The following RNF157 variants were observed in gnomAD, a reference collection of about 807,000 sequenced individuals.
RNF157 encodes the protein E3 ubiquitin ligase RNF157.
Under a neutral mutation model 88.3 loss-of-function variants are expected in RNF157, and 55 were observed. The observed-to-expected ratio is 0.62, with a 90% CI of 0.50 to 0.78. RNF157 has a LOEUF of 0.78. RNF157 is among the 30% of genes least tolerant of loss of function. The probability of loss-of-function intolerance (pLI) is 0.00; values close to 1 mark genes in which losing one functional copy is unlikely to be tolerated. For missense variants in RNF157, 788 were observed against 860.8 expected, an observed-to-expected ratio of 0.92 and a Z score of 1.06; for synonymous variants, 334 against 341.2, an observed-to-expected ratio of 0.98 and a Z score of 0.23.
chr17:76,206,194 G>A (rs2069679409), intron 2 of RNF157, among the ~76,000 whole-genome samples: 1 of 152,048 alleles, frequency 6.6e-6, no homozygotes, highest in Non-Finnish European at 1.5e-5. Context: ...TTGTGCCACT[G>A]TACCTCAGCT....
chr17:76,196,986 G>A (rs1308210353), intron 2 of RNF157, among the ~76,000 whole-genome samples: 2 of 152,212 alleles, frequency 1.3e-5, no homozygotes, highest in Non-Finnish European at 2.9e-5. Context: ...CATCTCTAGA[G>A]AGCATTCCCT....
intron 15 of RNF157, 72 bp downstream of exon 15, chr17:76,155,490 C>T (rs2068748620): frequency 6.4e-7 from 1 of 1,568,136 alleles, no homozygotes; most frequent in Admixed American, 1.8e-5. Flanking sequence ...CATGGCAGAC[C>T]TTTGGTTATG....
chr17:76,161,664 A>C lies in RNF157; in HGVS notation c.953-17T>G. ...CCCGGAAGGCTGTGAAGGAGAAAACAGGCAATCAGGACATCCTGATACAGG... is the reference window on the plus strand; with the variant it reads ...CCCGGAAGGCTGTGAAGGAGAAAACCGGCAATCAGGACATCCTGATACAGG... On this transcript the variant is annotated splice_polypyrimidine_tract_variant and intron_variant, in intron 10 of 18. Transcript: ENST00000269391. The surrounding 1 kb of genome is among the most constrained non-coding windows in gnomAD (Gnocchi z 4.6). 1 of 1,604,356 alleles carries C rather than the reference A, an allele frequency of 6.2e-7. No individual in the cohort carries two copies. The highest frequency in any genetic ancestry group is 8.5e-7 in the Non-Finnish European group (1 of 1,171,896).
At chr17:76,238,950 G>A (rs1012492936) in intron 1 of RNF157, among the ~76,000 whole-genome samples, 38 of 152,206 alleles carry the variant, frequency 2.5e-4, no homozygotes, top group African/African-American at 8.2e-4. Context: ...CACAGCTCTG[G>A]CAGACACTCT....
intron 18 of RNF157, among the ~76,000 whole-genome samples, chr17:76,150,434 G>A (rs369282347): frequency 6.6e-5 from 10 of 152,302 alleles, no homozygotes; most frequent in East Asian, 3.9e-4. Flanking sequence ...AGGGAGTCAG[G>A]AAGAGGAGGA....
At position 76,145,303 on chromosome 17, in the gene RNF157, G is replaced by A. The variant is rs374626701; in HGVS notation, c.1972C>T (p.Arg658Cys). 6.3e-5 allele frequency: 102 copies of A among 1,612,008 alleles called. No homozygotes were observed. The highest frequency in any genetic ancestry group is 8.0e-5 in the Non-Finnish European group (94 of 1,179,398). ...TCCTCCAGGCTGCTGGATGACAAGC[G>A]CCGGCGCTGGGCATTCCGACTGACG... ...NAVSRNAQRR[R>C]LSSSSLEDSE... The change falls in exon 19 of 19, where the codon CGC becomes TGC. Residue 658 changes from arginine to cysteine, a missense_variant. Physicochemically the swap from Arg to Cys is radical, Grantham distance 180. Coordinates refer to ENST00000269391, the MANE Select transcript of RNF157 (RefSeq NM_052916.3).
intron 2 of RNF157, among the ~76,000 whole-genome samples, chr17:76,181,520 T>C (rs1021667067): frequency 6.6e-6 from 1 of 152,290 alleles, no homozygotes; most frequent in Non-Finnish European, 1.5e-5. Flanking sequence ...ACAGCCACAA[T>C]GGATACGTCA....
Position 76,157,995 on chromosome 17 carries a change from C to T in RNF157, c.1413+398G>A, listed in dbSNP as rs1016770301. Among the ~76,000 whole-genome samples, 2 of 152,086 alleles carry T rather than the reference C, an allele frequency of 1.3e-5. No individual in the cohort carries two copies. Among genetic ancestry groups the T allele is most frequent in the African/African-American group, 4.8e-5 (2 of 41,392 alleles). Reference sequence around the variant, plus strand: ...CTTCCCTTGGTCTTGGCTCCTGGACCGCTTTTTAAGAATGGCAGCCCCCAC... The same window carrying T: ...CTTCCCTTGGTCTTGGCTCCTGGACTGCTTTTTAAGAATGGCAGCCCCCAC... On this transcript the variant is annotated intron_variant, in intron 13 of 18. Coordinates refer to ENST00000269391, the MANE Select transcript of RNF157 (RefSeq NM_052916.3). This position sits in a 1 kb window ranked among gnomAD's most constrained non-coding sequence, Gnocchi z 5.6.
chr17:76,180,940 T>C (rs2069178972), intron 2 of RNF157, among the ~76,000 whole-genome samples: 2 of 152,296 alleles, frequency 1.3e-5, no homozygotes, highest in African/African-American at 4.8e-5. Flanking sequence ...TCCGTGTGTA[T>C]GCTGGAGGAC....
chr17:76,169,131 C>T (rs1431913353), intron 3 of RNF157, among the ~76,000 whole-genome samples: 8 of 152,066 alleles, frequency 5.3e-5, no homozygotes, highest in South Asian at 4.1e-4. Context: ...CTGTAGAACC[C>T]GTTAGTTGGA....
At chr17:76,164,672 A>C (rs2068895326) in intron 8 of RNF157, 76 bp downstream of exon 8, 2 of 807,298 alleles carry the variant, frequency 2.5e-6, no homozygotes. Flanking sequence ...AAAAAGAGGG[A>C]GAGAGAAGAA....
Position 76,173,803 on chromosome 17 carries a change from CAA to C in RNF157, c.208-15_208-14del, listed in dbSNP as rs1598403978. On this transcript the variant is annotated splice_polypyrimidine_tract_variant and intron_variant, in intron 2 of 18. Transcript: ENST00000269391. ...CGGCGTAAGGAAACTGTGTCAGAAA[CAA>C]AGCAGGAGAAGGTGGTGTGTTTAAA... 1.9e-6 allele frequency: 3 copies of C among 1,599,394 alleles called. No individual in the cohort carries two copies. The highest frequency in any genetic ancestry group is 2.2e-5 in the East Asian group (1 of 44,550).
At chr17:76,239,763 G>A (rs529415427) in intron 1 of RNF157, among the ~76,000 whole-genome samples, 2 of 152,276 alleles carry the variant, frequency 1.3e-5, no homozygotes, top group Non-Finnish European at 2.9e-5. Context: ...CCGCGAGGCA[G>A]GTAGGCTTTG....
chr17:76,150,293 A>C (rs938182608), intron 18 of RNF157, among the ~76,000 whole-genome samples: 4 of 152,086 alleles, frequency 2.6e-5, no homozygotes, highest in Admixed American at 2.6e-4. Flanking sequence ...ACAAACTGTG[A>C]GCCCACCATA....
rs369814303 is a variant in RNF157, at chr17:76,240,119, C to T, written c.88+34G>A. On this transcript the variant is annotated intron_variant, in intron 1 of 18. Transcript: ENST00000269391. This position sits in a 1 kb window ranked among gnomAD's most constrained non-coding sequence, Gnocchi z 4.4. ...CCAGACCCCTGCCCCTGCCCCTCTC[C>T]CTCCTCGCGGCTGCGGCGCCCGCCC... The T allele has an allele frequency of 5.6e-6, 7 of 1,251,128 alleles. No individual in the cohort carries two copies. In the South Asian group the frequency reaches 8.8e-5, roughly 16 times the overall value. 77.5% of individuals were successfully genotyped at this position (1,251,128 alleles called of 1,614,324 possible).
intron 3 of RNF157, 151 bp from the exon 4 acceptor site, chr17:76,167,948 G>A (rs573958700): frequency 1.3e-6 from 1 of 762,862 alleles, no homozygotes; most frequent in East Asian, 2.7e-5. Flanking sequence ...AGTGCTTCAT[G>A]ACCCATGTTG....
intron 2 of RNF157, among the ~76,000 whole-genome samples, chr17:76,178,752 CAG>C (rs1032868342): frequency 5.3e-5 from 8 of 152,072 alleles, no homozygotes; most frequent in Admixed American, 2.6e-4. Context: ...GGTAAGAAAA[CAG>C]AGGTTGCAAA....
intron 2 of RNF157, among the ~76,000 whole-genome samples, chr17:76,200,831 C>T (rs2069563311): frequency 1.3e-5 from 2 of 152,162 alleles, no homozygotes; most frequent in Non-Finnish European, 2.9e-5. Flanking sequence ...GAATCTCATA[C>T]CATTTCGAAT....
At chr17:76,187,963 T>C (rs926043790) in intron 2 of RNF157, among the ~76,000 whole-genome samples, 1 of 152,236 alleles carries the variant, frequency 6.6e-6, no homozygotes, top group Admixed American at 6.5e-5. Flanking sequence ...AAAAATCTAT[T>C]CTGCAGCTAG....
Sources: allele counts gnomAD v4.1 joint callset (sites outside exome capture counted in the v4.1 genomes callset), GRCh38; gene constraint gnomAD v4.1.1; non-coding constraint Gnocchi (gnomAD v3.1); transcripts MANE v1.5; gene names NCBI Gene and HGNC (gene_info 2026-07-23, HGNC 2026-07-21).